Variants in RAB38 observed in about 807,000 individuals in gnomAD.
RAB38 encodes the protein RAB38, member RAS oncogene family.
In RAB38, 15 loss-of-function variants were observed where a neutral mutation model predicts 18.4. That is an observed-to-expected ratio of 0.82 (90% CI 0.55 to 1.26). RAB38 has a LOEUF of 1.26. RAB38 is among the 50% of genes most tolerant of loss of function. RAB38 has a pLI of 0.00. For synonymous variants in RAB38, 101 were observed against 104.4 expected (o/e 0.97, Z 0.20); for missense variants, 294 against 267.4 (o/e 1.10, Z -0.69).
the RAB38 span, among the ~76,000 whole-genome samples, chr11:87,978,028 C>T: frequency 1 from 26,456 of 26,458 alleles, 13,227 homozygotes; most frequent in Middle Eastern, 1. Context: ...TATATACTTA[C>T]ACATACATAA....
At chr11:87,923,784 G>C in the RAB38 span, among the ~76,000 whole-genome samples, 4 of 151,792 alleles carry the variant, frequency 2.6e-5, no homozygotes, top group Non-Finnish European at 1.5e-5. Context: ...CACAGATGCT[G>C]GCTCATTTAA....
chr11:88,037,645 T>G, the RAB38 span, among the ~76,000 whole-genome samples: 1 of 152,128 alleles, frequency 6.6e-6, no homozygotes, highest in Non-Finnish European at 1.5e-5. Context: ...ACAACAGGTT[T>G]GTTTTGCTAT....
chr11:87,941,557 G>A, the RAB38 span, among the ~76,000 whole-genome samples: 1 of 151,884 alleles, frequency 6.6e-6, no homozygotes, highest in African/African-American at 2.4e-5. Flanking sequence ...CAGAATCTAT[G>A]TCCTTCATTT....
chr11:87,924,882 ATG>A, the RAB38 span, among the ~76,000 whole-genome samples: 3 of 151,894 alleles, frequency 2.0e-5, no homozygotes, highest in Non-Finnish European at 2.9e-5. Flanking sequence ...TGTTGTGTGT[ATG>A]TGTGTGAGTG....
the RAB38 span, among the ~76,000 whole-genome samples, chr11:87,827,279 T>G: frequency 6.6e-6 from 1 of 151,892 alleles, no homozygotes; most frequent in African/African-American, 2.4e-5. Context: ...AAAGTTTTTA[T>G]TTTTATTTTT....
chr11:88,086,934 T>G, the RAB38 span, among the ~76,000 whole-genome samples: 1 of 151,572 alleles, frequency 6.6e-6, no homozygotes, highest in South Asian at 2.1e-4. Context: ...CAGAGAAAAC[T>G]AAAGATTTTA....
chr11:88,117,788 C>T (rs1247583043), intron 2 of RAB38, among the ~76,000 whole-genome samples: 1 of 152,108 alleles, frequency 6.6e-6, no homozygotes, highest in Non-Finnish European at 1.5e-5. Flanking sequence ...CAAAATTTAC[C>T]TCACAAATGA....
the RAB38 span, among the ~76,000 whole-genome samples, chr11:87,844,922 C>T: frequency 6.6e-6 from 1 of 152,160 alleles, no homozygotes; most frequent in Non-Finnish European, 1.5e-5. Flanking sequence ...TGGGCACATT[C>T]AAACTAGCAT....
chr11:87,944,203 C>A, the RAB38 span, among the ~76,000 whole-genome samples: 2 of 152,086 alleles, frequency 1.3e-5, no homozygotes. Context: ...ACAAAGTGAG[C>A]ACATCCTATT....
chr11:88,143,409 T>C (rs1398523483), intron 2 of RAB38, among the ~76,000 whole-genome samples: 1 of 152,230 alleles, frequency 6.6e-6, no homozygotes, highest in Non-Finnish European at 1.5e-5. Context: ...TTTAACTTTG[T>C]AGTTGTAACA....
the RAB38 span, among the ~76,000 whole-genome samples, chr11:87,900,699 GGA>G: frequency 1.4e-3 from 208 of 147,368 alleles, no homozygotes; most frequent in African/African-American, 4.8e-3. Context: ...AAGGAAGGAA[GGA>G]AGGAAAAAGG....
At chr11:88,029,926 A>AT in the RAB38 span, among the ~76,000 whole-genome samples, 1 of 152,054 alleles carries the variant, frequency 6.6e-6, no homozygotes, top group Non-Finnish European at 1.5e-5. Context: ...CAGAATATAC[A>AT]TTTTTTTCAG....
the RAB38 span, among the ~76,000 whole-genome samples, chr11:87,960,838 A>C: frequency 6.6e-6 from 1 of 152,152 alleles, no homozygotes; most frequent in African/African-American, 2.4e-5. Context: ...AGACATCCCT[A>C]AGCCTGTTTT....
chr11:87,884,984 A>G, the RAB38 span, among the ~76,000 whole-genome samples: 1 of 151,966 alleles, frequency 6.6e-6, no homozygotes, highest in African/African-American at 2.4e-5. Context: ...TACATTAGAT[A>G]CATCTGAAAA....
chr11:87,976,617 T>TAATATATATAATTTTAC, the RAB38 span, among the ~76,000 whole-genome samples: 1 of 109,846 alleles, frequency 9.1e-6, no homozygotes, highest in Admixed American at 1.0e-4. Context: ...ATATTTTACA[T>TAATATATATAATTTTAC]GATATATAAA....
intron 2 of RAB38, among the ~76,000 whole-genome samples, chr11:88,124,793 T>A (rs1034291769): frequency 1.3e-5 from 2 of 152,232 alleles, no homozygotes; most frequent in Admixed American, 6.5e-5. Context: ...AGGAGATACA[T>A]CAATTTGAAG....
chr11:87,937,863 T>C, the RAB38 span, among the ~76,000 whole-genome samples: 1 of 114,518 alleles, frequency 8.7e-6, no homozygotes, highest in African/African-American at 3.3e-5. Flanking sequence ...TAATTGCTCA[T>C]TGAAGTGTTT....
the RAB38 span, among the ~76,000 whole-genome samples, chr11:87,942,943 T>C: frequency 2.6e-5 from 4 of 152,206 alleles, no homozygotes; most frequent in African/African-American, 7.2e-5. Flanking sequence ...TGCATCTTTG[T>C]TTTATTCCTT....
At chr11:88,126,531 T>C (rs1942696983) in intron 2 of RAB38, among the ~76,000 whole-genome samples, 1 of 151,944 alleles carries the variant, frequency 6.6e-6, no homozygotes, top group Admixed American at 6.6e-5. Context: ...AAGGGGAACA[T>C]CACACACTGG....
Sources: gnomAD v4.1 joint callset for allele counts (sites outside exome capture counted in the v4.1 genomes callset) on GRCh38, gnomAD v4.1.1 for gene constraint, MANE v1.5 for transcripts, NCBI Gene and HGNC (gene_info 2026-07-23, HGNC 2026-07-21) for gene names.